The following CMIP variants were observed in gnomAD, a reference collection of about 807,000 sequenced individuals.
The protein encoded by CMIP is c-Maf inducing protein.
CMIP carries 13 observed loss-of-function variants against 97.3 expected under a neutral mutation model. The ratio of observed to expected loss-of-function variants is 0.13; its 90% CI spans 0.09 to 0.21. The LOEUF is 0.21. Among genes scored for constraint, CMIP ranks in the 10% least tolerant of loss-of-function variants. The pLI is 1.00. For missense variants in CMIP, 847 were observed against 1,024.9 expected (o/e 0.83, Z 2.37); for synonymous variants, 538 against 436.3 (o/e 1.23, Z -2.91).
At chr16:81,689,289 T>C (rs1905784962) in intron 10 of CMIP, among the ~76,000 whole-genome samples, 1 of 152,220 alleles carries the variant, frequency 6.6e-6, no homozygotes, top group African/African-American at 2.4e-5. Context: ...GTAAAAGTGT[T>C]CCTATTTCTC....
At chr16:81,537,546 CAAAAAAAA>C (rs397695977) in intron 1 of CMIP, among the ~76,000 whole-genome samples, 5,859 of 82,366 alleles carry the variant, frequency 0.071, 163 homozygotes, top group Non-Finnish European at 0.1. Flanking sequence ...AAAAAAAAGA[CAAAAAAAA>C]AAAAAAAAAA....
intron 1 of CMIP, among the ~76,000 whole-genome samples, chr16:81,571,123 A>C (rs543426500): frequency 6.6e-6 from 1 of 152,326 alleles, no homozygotes; most frequent in East Asian, 1.9e-4. Flanking sequence ...CTAGGTACTA[A>C]CTCAGCAGTT....
chr16:81,662,153 T>C (rs1276425917), intron 6 of CMIP, among the ~76,000 whole-genome samples: 2 of 152,100 alleles, frequency 1.3e-5, no homozygotes, highest in African/African-American at 4.8e-5. Context: ...GCTGCTCCTC[T>C]GCCTGTCACA....
chr16:81,671,556 A>G (rs959166914), intron 8 of CMIP, among the ~76,000 whole-genome samples: 1 of 152,252 alleles, frequency 6.6e-6, no homozygotes, highest in Non-Finnish European at 1.5e-5. Context: ...AGGTGTGAGC[A>G]TGACTGTCCC....
intron 1 of CMIP, among the ~76,000 whole-genome samples, chr16:81,529,739 C>T (rs1190347894): frequency 6.6e-6 from 1 of 152,166 alleles, no homozygotes; most frequent in Non-Finnish European, 1.5e-5. Context: ...CTTGCAATTC[C>T]CGGCTTTAAG....
intron 1 of CMIP, chr16:81,520,661 C>G (rs560871551): frequency 2.9e-4 from 44 of 151,188 alleles, no homozygotes; most frequent in African/African-American, 1.0e-3. Flanking sequence ...ATAAGTAGGG[C>G]CTGATTATTG....
rs1164896590 is a variant in CMIP, at chr16:81,596,506, C to CAAAA, written c.301-11043_301-11040dup. Reference sequence around the variant, plus strand: ...TGGGCAACAGAGAAAGGCCCTGTCTCAAAAAAAAAAAAAAAAAAAAATTTC... The same window carrying CAAAA: ...TGGGCAACAGAGAAAGGCCCTGTCTCAAAAAAAAAAAAAAAAAAAAAAAAATTTC... On this transcript the variant is annotated intron_variant, in intron 1 of 20. Transcript: ENST00000537098. 6.5e-3 allele frequency among the ~76,000 whole-genome samples: 576 copies of CAAAA among 88,944 alleles called. 8 individuals carry two copies. The highest frequency in any genetic ancestry group is 0.021 in the African/African-American group (551 of 26,122). The allele number at this position is 88,944 out of a possible 152,430, so 58.4% of individuals were successfully genotyped here. A position where few individuals can be genotyped will look rare whatever the true frequency, so the allele number is the denominator to read the frequency against.
chr16:81,581,048 T>A (rs1403372638), intron 1 of CMIP, among the ~76,000 whole-genome samples: 1 of 152,180 alleles, frequency 6.6e-6, no homozygotes, highest in Non-Finnish European at 1.5e-5. Flanking sequence ...TCCACTGGCT[T>A]CTTTCCCTCA....
Position 81,655,871 on chromosome 16 carries a change from A to G in CMIP, c.640-1904A>G, listed in dbSNP as rs190933965. Among the ~76,000 whole-genome samples, 11 of 152,258 alleles carry G rather than the reference A, an allele frequency of 7.2e-5. No individual in the cohort carries two copies. The East Asian group carries it at 1.9e-3, about 27-fold the overall frequency. On this transcript the variant is annotated intron_variant, in intron 4 of 20. Coordinates refer to ENST00000537098, the MANE Select transcript of CMIP (RefSeq NM_198390.3). This position sits in a 1 kb window ranked among gnomAD's most constrained non-coding sequence, Gnocchi z 4.9. ...TGATCAGTCAATGGGATAGTAGAGA[A>G]CCTGTCATAATCAAAAGAAATTGGT...
chr16:81,552,268 G>A (rs929768940), intron 1 of CMIP, among the ~76,000 whole-genome samples: 16 of 152,132 alleles, frequency 1.1e-4, no homozygotes, highest in African/African-American at 3.9e-4. Context: ...GCTGATAAGG[G>A]CTGGCTGGTG....
intron 1 of CMIP, among the ~76,000 whole-genome samples, chr16:81,579,403 C>T (rs1250171388): frequency 2.0e-5 from 3 of 152,210 alleles, no homozygotes; most frequent in Non-Finnish European, 4.4e-5. Flanking sequence ...TGCCCCAAAA[C>T]AGCCCTCCAG....
At chr16:81,545,165 A>G (rs746461753) in intron 1 of CMIP, among the ~76,000 whole-genome samples, 1 of 152,052 alleles carries the variant, frequency 6.6e-6, no homozygotes, top group Non-Finnish European at 1.5e-5. Flanking sequence ...AAACTCTCCC[A>G]GGCCTGCCCT....
At chr16:81,476,104 C>A in intron 1 of CMIP, 1 of 827,708 alleles carries the variant, frequency 1.2e-6, no homozygotes. Context: ...CCATGGCCTC[C>A]ACAGTCTTCA....
intron 1 of CMIP, among the ~76,000 whole-genome samples, chr16:81,572,001 G>A (rs534597117): frequency 6.6e-6 from 1 of 152,320 alleles, no homozygotes; most frequent in African/African-American, 2.4e-5. Context: ...TGCATCATGA[G>A]ACCCTTGGTG....
At chr16:81,597,013 T>C (rs919553877) in intron 1 of CMIP, among the ~76,000 whole-genome samples, 2 of 152,224 alleles carry the variant, frequency 1.3e-5, no homozygotes, top group African/African-American at 4.8e-5. Flanking sequence ...CATTTAGGCT[T>C]CTGCTGAGTG....
intron 1 of CMIP, chr16:81,464,980 C>G (rs1282306519): frequency 6.6e-6 from 1 of 152,192 alleles, no homozygotes; most frequent in Non-Finnish European, 1.5e-5. Flanking sequence ...TTGAGTTGTT[C>G]CCTTGTTGGC....
intron 3 of CMIP, among the ~76,000 whole-genome samples, chr16:81,648,392 G>C (rs1455388018): frequency 6.6e-6 from 1 of 152,038 alleles, no homozygotes; most frequent in Admixed American, 6.5e-5. Context: ...TCGCGTGAGG[G>C]CTGCCAGCTG....
chr16:81,673,314 G>A (rs556853360), intron 9 of CMIP, among the ~76,000 whole-genome samples: 3 of 152,194 alleles, frequency 2.0e-5, no homozygotes, highest in Admixed American at 6.5e-5. Flanking sequence ...TTAGGAGTTG[G>A]AGACCAGCCT....
intron 3 of CMIP, chr16:81,630,375 AT>A (rs1371231329): frequency 6.6e-6 from 1 of 152,308 alleles, no homozygotes; most frequent in Non-Finnish European, 1.5e-5. Context: ...GGCATCACCC[AT>A]CAGCCACCGC....
Sources: allele counts gnomAD v4.1 joint callset (sites outside exome capture counted in the v4.1 genomes callset), GRCh38; gene constraint gnomAD v4.1.1; non-coding constraint Gnocchi (gnomAD v3.1); transcripts MANE v1.5; gene names NCBI Gene and HGNC (gene_info 2026-07-23, HGNC 2026-07-21).